Variants in EFCC1 observed in about 807,000 individuals in gnomAD.
EFCC1 encodes EF-hand and coiled-coil domain containing 1.
A neutral mutation model predicts 52.1 loss-of-function variants in EFCC1; 50 were observed. The observed-to-expected ratio is 0.96, with a 90% CI of 0.76 to 1.21. The LOEUF (loss-of-function observed/expected upper bound fraction) is 1.21. EFCC1 is among the 50% of genes most tolerant of loss of function. The pLI, the probability that EFCC1 is intolerant of heterozygous loss-of-function variation, is 0.00. For missense variants in EFCC1, 837 were observed against 867.3 expected (o/e 0.97, Z 0.44); for synonymous variants, 399 against 396.5 (o/e 1.01, Z -0.08).
At chr3:129,024,542 A>G (rs967212328) in intron 2 of EFCC1, among the ~76,000 whole-genome samples, 2 of 143,620 alleles carry the variant, frequency 1.4e-5, no homozygotes, top group East Asian at 3.9e-4. Context: ...AAAAAAAAGA[A>G]AAAAAAAAAG....
chr3:129,008,969 C>T (rs1279978127), intron 2 of EFCC1, among the ~76,000 whole-genome samples: 2 of 146,806 alleles, frequency 1.4e-5, no homozygotes, highest in Non-Finnish European at 3.0e-5. Context: ...CATCCCCACA[C>T]ACATTTTTAT....
chr3:129,017,419 C>T lies in EFCC1; in HGVS notation c.981-13284C>T, dbSNP rs558422974. On this transcript the variant is annotated intron_variant, in intron 2 of 7. Transcript: ENST00000683648. ...TAATTCCGTAGGCCGGAAGTCCAGG[C>T]GGGCGTGGCGGGCTTCTCTGCACAA... is the stretch of plus-strand genomic sequence containing the variant. Among the ~76,000 whole-genome samples, 15 of 152,324 alleles carry T rather than the reference C, an allele frequency of 9.8e-5. No individual in the cohort carries two copies. In the South Asian group the frequency reaches 1.2e-3, roughly 13 times the overall value.
chr3:129,030,856 T>C lies in EFCC1; in HGVS notation c.1134T>C (p.Asp378=). The C allele has an allele frequency of 6.4e-7, 1 of 1,550,668 alleles. No homozygotes were observed. Among genetic ancestry groups the C allele is most frequent in the Non-Finnish European group, 8.7e-7 (1 of 1,146,546 alleles). Residue 378 remains aspartate (D), a synonymous_variant, in exon 3 of 8, where the codon GAT becomes GAC. Coordinates refer to ENST00000683648, the MANE Select transcript of EFCC1 (RefSeq NM_001377500.1). ...SDSSSGSRAL[D]EAVDEQLFRS... ...GCAGCTCTGGAAGCAGAGCCCTGGA[T>C]GAAGGTTTGTCCCCTGTGCGCCCAG...
chr3:129,002,509 C>A, intron 1 of EFCC1, 185 bp downstream of exon 1: 1 of 1,198,190 alleles, frequency 8.3e-7, no homozygotes, highest in Non-Finnish European at 1.1e-6. Flanking sequence ...CCACTCCAGT[C>A]CCCAACCCTA....
intron 2 of EFCC1, among the ~76,000 whole-genome samples, chr3:129,011,267 T>C (rs1307629486): frequency 6.6e-6 from 1 of 152,188 alleles, no homozygotes; most frequent in African/African-American, 2.4e-5. Flanking sequence ...TGGAACGTAT[T>C]GGACAGGGTG....
chr3:129,005,659 G>T (rs1035503675), intron 2 of EFCC1, among the ~76,000 whole-genome samples: 1 of 152,204 alleles, frequency 6.6e-6, no homozygotes, highest in Non-Finnish European at 1.5e-5. Flanking sequence ...GAGGAAGGTG[G>T]TCTAGCCCAG....
rs1484955621 is a variant in EFCC1 at position 129,009,029 on chromosome 3, T to A, written c.980+4952T>A. ...GGCGGGGTGGGGGGCGGGGCGGGAA[T>A]CTGTTGCAGTAATGCAAACAGCTTC... On this transcript the variant is annotated intron_variant, in intron 2 of 7. Transcript: ENST00000683648. 2.7e-5 allele frequency among the ~76,000 whole-genome samples: 4 copies of A among 150,858 alleles called. No homozygotes were observed. The East Asian group carries it at 7.9e-4, about 30-fold the overall frequency.
chr3:129,027,155 T>A (rs1946142754), intron 2 of EFCC1, among the ~76,000 whole-genome samples: 1 of 151,564 alleles, frequency 6.6e-6, no homozygotes, highest in Non-Finnish European at 1.5e-5. Context: ...TGCAGACGCC[T>A]GCAGACGCTC....
intron 4 of EFCC1, 132 bp downstream of exon 4, chr3:129,033,098 G>T: frequency 7.6e-7 from 1 of 1,323,674 alleles, no homozygotes; most frequent in Non-Finnish European, 9.9e-7. Flanking sequence ...CTGTCCCCTT[G>T]TCCCTCAGGG....
At chr3:129,029,002 G>A (rs940596727) in intron 2 of EFCC1, among the ~76,000 whole-genome samples, 1 of 152,096 alleles carries the variant, frequency 6.6e-6, no homozygotes, top group African/African-American at 2.4e-5. Context: ...CTCCTGGCTG[G>A]TGCTCATCCT....
At chr3:129,009,464 C>A (rs1436056480) in intron 2 of EFCC1, among the ~76,000 whole-genome samples, 1 of 152,206 alleles carries the variant, frequency 6.6e-6, no homozygotes, top group Non-Finnish European at 1.5e-5. Context: ...TCTGAACCAT[C>A]CCACTGAAGT....
chr3:129,002,559 C>G (rs1944842987), intron 1 of EFCC1: 6 of 778,566 alleles, frequency 7.7e-6, no homozygotes, highest in Non-Finnish European at 1.1e-5. Flanking sequence ...CCCAATCACA[C>G]TCAAACAACC....
chr3:129,005,873 AG>A (rs1291043598), intron 2 of EFCC1, among the ~76,000 whole-genome samples: 2 of 152,386 alleles, frequency 1.3e-5, no homozygotes, highest in Admixed American at 6.5e-5. Context: ...GGTTGGCTTG[AG>A]GCCCACATCC....
intron 2 of EFCC1, among the ~76,000 whole-genome samples, chr3:129,025,298 C>G (rs141303222): frequency 1.3e-5 from 2 of 151,926 alleles, no homozygotes; most frequent in Non-Finnish European, 2.9e-5. Flanking sequence ...GGGGTCGGGA[C>G]GGAGAGGCAA....
chr3:129,037,235 AT>A, intron 6 of EFCC1, 118 bp downstream of exon 6: 1 of 1,338,378 alleles, frequency 7.5e-7, no homozygotes, highest in Non-Finnish European at 9.7e-7. Context: ...CTGTTATCCC[AT>A]TTTACAGATG....
rs3732429 is a variant in EFCC1 at position 129,036,971 on chromosome 3, T to C, written c.1453-6T>C. 798,289 of 1,613,498 alleles carry C rather than the reference T, an allele frequency of 0.49. 202,658 individuals are homozygous for C. The highest frequency in any genetic ancestry group is 0.8 in the African/African-American group (60,040 of 74,992). ...AAAGTGAGCACTGAGCCCCTTCTCT[T>C]CCCAGGCAGAGTTGCAGCAGAAGGT... On this transcript the variant is annotated splice_polypyrimidine_tract_variant and splice_region_variant and intron_variant, in intron 5 of 7. Transcript: ENST00000683648.
intron 2 of EFCC1, among the ~76,000 whole-genome samples, chr3:129,007,917 A>G (rs1945146320): frequency 6.6e-6 from 1 of 152,106 alleles, no homozygotes; most frequent in Admixed American, 6.5e-5. Context: ...TCTCTTGTGG[A>G]TTGCTGTAAT....
chr3:129,002,019 C>G lies in EFCC1; in HGVS notation c.391C>G (p.Leu131Val), dbSNP rs1466189366. Reference protein sequence around the residue: ...GDSDTDEEARLALRAEPPELT... With the variant: ...GDSDTDEEARVALRAEPPELT... ...CTCAGATACCGATGAAGAGGCGCGCCTGGCGCTGCGCGCCGAGCCGCCGGA... is the reference window on the plus strand; with the variant it reads ...CTCAGATACCGATGAAGAGGCGCGCGTGGCGCTGCGCGCCGAGCCGCCGGA... Residue 131 changes from leucine to valine, a missense_variant, in exon 1 of 8, where the codon CTG becomes GTG. By Grantham distance (32) the Leu-to-Val change is conservative. Coordinates refer to ENST00000683648, the MANE Select transcript of EFCC1 (RefSeq NM_001377500.1). 2 of 1,545,480 alleles carry G rather than the reference C, an allele frequency of 1.3e-6. No homozygotes were observed. Among genetic ancestry groups the G allele is most frequent in the African/African-American group, 1.4e-5 (1 of 72,300 alleles).
At position 129,003,907 on chromosome 3, in the gene EFCC1, C is replaced by A; in HGVS notation, c.810C>A (p.Arg270=). Residue 270 remains arginine, a synonymous_variant, in exon 2 of 8, where the codon CGC becomes CGA. Coordinates refer to ENST00000683648, the MANE Select transcript of EFCC1 (RefSeq NM_001377500.1). The part of the protein sequence containing the change: ...AQGALAAAEA[R]AGRLRRGQAE... ...GCGCCCTGGCTGCGGCGGAGGCCCG[C>A]GCTGGGCGGCTGCGCCGTGGCCAGG... is the stretch of plus-strand genomic sequence containing the variant. 7.4e-7 allele frequency: 1 copy of A among 1,355,612 alleles called. No individual in the cohort carries two copies. Among genetic ancestry groups the A allele is most frequent in the South Asian group, 1.7e-5 (1 of 58,422 alleles). 84.0% of individuals were successfully genotyped at this position (1,355,612 alleles called of 1,614,324 possible).
Sources: allele counts gnomAD v4.1 joint callset (sites outside exome capture counted in the v4.1 genomes callset), GRCh38; gene constraint gnomAD v4.1.1; transcripts MANE v1.5; gene names NCBI Gene and HGNC (gene_info 2026-07-23, HGNC 2026-07-21).